The following ARHGAP10 variants were observed in gnomAD, a reference collection of about 807,000 sequenced individuals.
ARHGAP10 encodes the protein Rho GTPase activating protein 10.
ARHGAP10 carries 87 observed loss-of-function variants against 108.6 expected under a neutral mutation model. The ratio of observed to expected loss-of-function variants is 0.80; its 90% CI spans 0.67 to 0.96. ARHGAP10 has a LOEUF of 0.96. Ranked by LOEUF, ARHGAP10 falls within the 40% of genes least tolerant of loss-of-function variation. ARHGAP10 has a pLI of 0.00. For synonymous variants in ARHGAP10, 347 were observed against 341.1 expected, an observed-to-expected ratio of 1.02 and a Z score of -0.19; for missense variants, 939 against 954.5, an observed-to-expected ratio of 0.98 and a Z score of 0.21.
intron 18 of ARHGAP10, among the ~76,000 whole-genome samples, chr4:147,996,783 G>T (rs1199277360): frequency 6.6e-6 from 1 of 152,194 alleles, no homozygotes; most frequent in African/African-American, 2.4e-5. Flanking sequence ...GTGAAATGAG[G>T]TCATGAAGGT....
At chr4:147,807,263 A>T (rs141270334) in intron 1 of ARHGAP10, among the ~76,000 whole-genome samples, 1 of 152,180 alleles carries the variant, frequency 6.6e-6, no homozygotes, top group Non-Finnish European at 1.5e-5. Context: ...TTTATATGAA[A>T]TATCCTGCAT....
chr4:147,997,983 A>G (rs999203868), intron 18 of ARHGAP10, among the ~76,000 whole-genome samples: 3 of 152,178 alleles, frequency 2.0e-5, no homozygotes, highest in Admixed American at 1.3e-4. Context: ...AAAAACAAGC[A>G]TATCAAAACT....
chr4:147,998,986 A>G lies in ARHGAP10; in HGVS notation c.1717-24277A>G, dbSNP rs1047101043. Among the ~76,000 whole-genome samples the G allele has an allele frequency of 2.6e-5, 4 of 152,312 alleles. No individual in the cohort carries two copies. The East Asian group carries it at 7.7e-4, about 29-fold the overall frequency. ...GGTATCTAAAACCTGGAAGGGGAAA[A>G]TTTTGCACTATCCACAGATATGATT... On this transcript the variant is annotated intron_variant, in intron 18 of 22. Coordinates refer to ENST00000336498, the MANE Select transcript of ARHGAP10 (RefSeq NM_024605.4).
chr4:148,055,607 G>A (rs1171924358), intron 20 of ARHGAP10, among the ~76,000 whole-genome samples: 1 of 152,180 alleles, frequency 6.6e-6, no homozygotes, highest in African/African-American at 2.4e-5. Context: ...AGAATTGCTT[G>A]AACCTGGAAG....
At chr4:147,783,145 T>C (rs12508085) in intron 1 of ARHGAP10, among the ~76,000 whole-genome samples, 119,322 of 141,056 alleles carry the variant, frequency 0.85, 51,715 homozygotes, top group East Asian at 0.97. Flanking sequence ...ATAACACACA[T>C]TAAATTATAT....
chr4:148,044,423 C>T (rs1176441470), intron 19 of ARHGAP10, among the ~76,000 whole-genome samples: 1 of 152,170 alleles, frequency 6.6e-6, no homozygotes, highest in Non-Finnish European at 1.5e-5. Flanking sequence ...TGTCAGGGCA[C>T]ACAGCCCAGG....
At chr4:147,900,774 T>C (rs1308204294) in intron 10 of ARHGAP10, among the ~76,000 whole-genome samples, 3 of 152,078 alleles carry the variant, frequency 2.0e-5, no homozygotes, top group Non-Finnish European at 4.4e-5. Context: ...TTGCTATTTT[T>C]TCCCTCCTTC....
intron 18 of ARHGAP10, among the ~76,000 whole-genome samples, chr4:147,990,748 A>T (rs539577902): frequency 6.6e-6 from 1 of 152,162 alleles, no homozygotes; most frequent in Non-Finnish European, 1.5e-5. Flanking sequence ...CAAAAAGGGA[A>T]CAACAGACGC....
At chr4:148,041,897 G>A (rs1187743356) in intron 19 of ARHGAP10, among the ~76,000 whole-genome samples, 5 of 152,170 alleles carry the variant, frequency 3.3e-5, no homozygotes, top group Non-Finnish European at 7.3e-5. Context: ...TCTCTTGGCC[G>A]GGAGATCCCT....
At position 148,055,933 on chromosome 4, in the gene ARHGAP10, C is replaced by A. The variant is rs79806464; in HGVS notation, c.2028-7215C>A. The stretch of plus-strand genomic sequence containing the variant: ...TCCATCCGAATTGTCTTCATCTCCC[C>A]CAAACCCCACGTCCCTTCCAGGCTT... On this transcript the variant is annotated intron_variant, in intron 20 of 22. Coordinates refer to ENST00000336498, the MANE Select transcript of ARHGAP10 (RefSeq NM_024605.4). 6.6e-3 allele frequency among the ~76,000 whole-genome samples: 999 copies of A among 152,266 alleles called. 13 individuals are homozygous for A. Among genetic ancestry groups the A allele is most frequent in the African/African-American group, 0.023 (960 of 41,528 alleles).
chr4:147,959,671 T>C (rs1422693293), intron 16 of ARHGAP10, among the ~76,000 whole-genome samples: 1 of 152,184 alleles, frequency 6.6e-6, no homozygotes. Context: ...TCCAGCTTCA[T>C]CCATGTCCCT....
intron 13 of ARHGAP10, among the ~76,000 whole-genome samples, chr4:147,937,915 G>T (rs1738018276): frequency 6.6e-6 from 1 of 152,196 alleles, no homozygotes; most frequent in Non-Finnish European, 1.5e-5. Flanking sequence ...TGAGGTGGAG[G>T]TTGCAGTGAG....
At chr4:147,856,266 C>T (rs1052924389) in intron 4 of ARHGAP10, among the ~76,000 whole-genome samples, 8 of 152,150 alleles carry the variant, frequency 5.3e-5, no homozygotes, top group Non-Finnish European at 1.2e-4. Flanking sequence ...CTAGACAGTA[C>T]CTAAGAAATG....
chr4:147,908,645 T>C (rs1221734845), intron 11 of ARHGAP10, among the ~76,000 whole-genome samples: 2 of 152,254 alleles, frequency 1.3e-5, no homozygotes, highest in Non-Finnish European at 2.9e-5. Context: ...GTGCTATTTC[T>C]GCTGTACTTA....
intron 1 of ARHGAP10, among the ~76,000 whole-genome samples, chr4:147,806,827 G>A (rs1386179344): frequency 2.0e-5 from 3 of 152,068 alleles, no homozygotes; most frequent in Admixed American, 6.5e-5. Flanking sequence ...TCAGCCTCCT[G>A]AGTAGCTGGG....
chr4:148,046,563 C>G (rs554452707), intron 19 of ARHGAP10, among the ~76,000 whole-genome samples: 18 of 152,132 alleles, frequency 1.2e-4, no homozygotes, highest in Non-Finnish European at 2.5e-4. Context: ...CTGCTTGGAG[C>G]TATTCTTGAT....
At chr4:148,006,145 G>C (rs1006604320) in intron 18 of ARHGAP10, among the ~76,000 whole-genome samples, 6 of 152,154 alleles carry the variant, frequency 3.9e-5, no homozygotes, top group Non-Finnish European at 5.9e-5. Flanking sequence ...TTTTCTGGAG[G>C]AAGCCAGCTG....
At chr4:147,947,984 G>C (rs1327672504) in intron 15 of ARHGAP10, among the ~76,000 whole-genome samples, 2 of 143,532 alleles carry the variant, frequency 1.4e-5, no homozygotes, top group Admixed American at 7.0e-5. Flanking sequence ...CTGTTGGCCC[G>C]GGCTGGAGTG....
intron 7 of ARHGAP10, among the ~76,000 whole-genome samples, chr4:147,870,222 G>A (rs1335741099): frequency 2.0e-5 from 3 of 151,960 alleles, no homozygotes; most frequent in Non-Finnish European, 4.4e-5. Context: ...ACCATGCCCG[G>A]CTAATTTTTT....
Sources: allele counts gnomAD v4.1 joint callset (sites outside exome capture counted in the v4.1 genomes callset), GRCh38; gene constraint gnomAD v4.1.1; transcripts MANE v1.5; gene names NCBI Gene and HGNC (gene_info 2026-07-23, HGNC 2026-07-21).